The following FGF13 variants were observed in gnomAD, a reference collection of about 807,000 sequenced individuals.
The protein encoded by FGF13 is fibroblast growth factor homologous factor 2.
A neutral mutation model predicts 19.5 loss-of-function variants in FGF13; 2 were observed. The ratio of observed to expected loss-of-function variants is 0.10; its 90% CI spans 0.04 to 0.32. The LOEUF is 0.32. Among genes scored for constraint, FGF13 ranks in the 10% least tolerant of loss-of-function variants. The pLI, the probability that FGF13 is intolerant of heterozygous loss-of-function variation, is 1.00. For synonymous variants in FGF13, 72 were observed against 76.9 expected (o/e 0.94, Z 0.33); for missense variants, 113 against 192.7 (o/e 0.59, Z 2.45).
At chrX:139,156,412 G>A (rs896598779) in intron 1 of FGF13, among the ~76,000 whole-genome samples, 2 of 111,819 alleles carry the variant, frequency 1.8e-5, no homozygotes, top group African/African-American at 6.5e-5. Context: ...ACATTGCCAA[G>A]GTGATAAGAC....
At chrX:139,185,673 G>A (rs780456564) in intron 1 of FGF13, among the ~76,000 whole-genome samples, 2 of 111,626 alleles carry the variant, frequency 1.8e-5, no homozygotes, top group African/African-American at 6.5e-5. Flanking sequence ...TCTGTTCTCT[G>A]CCTTACACCA....
chrX:139,200,789 A>G (rs975923513), intron 1 of FGF13, among the ~76,000 whole-genome samples: 3 of 112,770 alleles, frequency 2.7e-5, no homozygotes, highest in African/African-American at 9.7e-5. Context: ...AGCAGCCTAC[A>G]AGATTTCCGA....
intron 1 of FGF13, among the ~76,000 whole-genome samples, chrX:139,011,722 G>A (rs1273104193): frequency 1.8e-5 from 2 of 111,691 alleles, no homozygotes; most frequent in East Asian, 5.6e-4. Flanking sequence ...CAAACTCACA[G>A]CCAACATTAT....
At chrX:138,785,327 T>A (rs2090683820) in intron 3 of FGF13, among the ~76,000 whole-genome samples, 1 of 111,762 alleles carries the variant, frequency 8.9e-6, no homozygotes. Flanking sequence ...TTATCAAATA[T>A]CTTAACTCAC....
intron 1 of FGF13, among the ~76,000 whole-genome samples, chrX:138,720,194 A>G (rs1051166544): frequency 4.4e-5 from 5 of 112,456 alleles, no homozygotes; most frequent in Non-Finnish European, 7.5e-5. Context: ...ACATAACGAA[A>G]CCAAATTTTT....
chrX:139,092,792 C>A (rs978598988), intron 1 of FGF13, among the ~76,000 whole-genome samples: 1 of 111,640 alleles, frequency 9.0e-6, no homozygotes, highest in East Asian at 2.8e-4. Context: ...TGCATGTTTA[C>A]TTTTGACCTA....
At position 138,872,251 on chromosome X, in the gene FGF13, C is replaced by T. The variant is rs746346455; in HGVS notation, c.-112-7601G>A. Among the ~76,000 whole-genome samples the T allele has an allele frequency of 6.3e-5, 7 of 111,861 alleles. No homozygotes were observed. The East Asian group carries it at 1.1e-3, about 18-fold the overall frequency. ...CTCCCTGGGATATACATTTCACAAACGGAAAATAATTACTGTGGATTAGCT... is the reference window on the plus strand; with the variant it reads ...CTCCCTGGGATATACATTTCACAAATGGAAAATAATTACTGTGGATTAGCT... On this transcript the variant is annotated intron_variant, in intron 1 of 2. Coordinates refer to the FGF13 transcript ENST00000421460.
rs765725362 is a variant in FGF13, at chrX:139,099,456, A to T, written c.-113+103960T>A. Among the ~76,000 whole-genome samples the T allele has an allele frequency of 1.3e-3, 143 of 109,331 alleles. 1 individual carries two copies. The Middle Eastern group carries it at 0.019, about 14-fold the overall frequency. 94.9% of individuals were successfully genotyped at this position (109,331 alleles called of 115,157 possible). A position where few individuals can be genotyped will look rare whatever the true frequency, so the allele number is the denominator to read the frequency against. On this transcript the variant is annotated intron_variant, in intron 1 of 2. Transcript: ENST00000421460. ...CTTGCTAAGCCTCAATACTGGCTGG[A>T]CAGTTGTTAGAGTACTGACAAACGT...
intron 1 of FGF13, among the ~76,000 whole-genome samples, chrX:139,039,442 C>G (rs748920447): frequency 8.8e-4 from 98 of 111,604 alleles, no homozygotes; most frequent in African/African-American, 3.1e-3. Context: ...TTATATTTTC[C>G]AGAAAAAAAT....
rs1189420040 is a variant in FGF13, at chrX:138,663,430, T to C, written c.403-27775A>G. ...TTGATTATTTATATACACAGATAGT[T>C]GAAAGTTGACTAACAAGATTTGGGA... On this transcript the variant is annotated intron_variant, in intron 3 of 4. Transcript: ENST00000315930. 4.5e-5 allele frequency among the ~76,000 whole-genome samples: 5 copies of C among 111,538 alleles called. No homozygotes were observed. The Admixed American group carries it at 4.8e-4, about 11-fold the overall frequency.
chrX:138,770,045 A>G (rs749822563), intron 3 of FGF13, among the ~76,000 whole-genome samples: 7 of 112,365 alleles, frequency 6.2e-5, no homozygotes, highest in Non-Finnish European at 1.1e-4. Context: ...TATGTGGTCA[A>G]ATAAGGTGAG....
intron 1 of FGF13, among the ~76,000 whole-genome samples, chrX:138,983,140 C>T (rs1190472819): frequency 9.1e-6 from 1 of 110,112 alleles, no homozygotes; most frequent in Non-Finnish European, 1.9e-5. Context: ...TTTATTTCTG[C>T]TTTTGTAGCC....
rs189188023 is a variant in FGF13, at chrX:138,810,605, A to C, written c.217+46907T>G. 7.5e-3 allele frequency among the ~76,000 whole-genome samples: 844 copies of C among 112,217 alleles called. 4 individuals are homozygous for C. Among genetic ancestry groups the C allele is most frequent in the African/African-American group, 0.025 (786 of 30,849 alleles). ...CAAAATTGACAAATGGGATCTAATG[A>C]AACTAAAGAACTTCTGCACAGCTAA... is the stretch of plus-strand genomic sequence containing the variant. On this transcript the variant is annotated intron_variant, in intron 3 of 6. Transcript: ENST00000436198.
rs904002662 is a variant in FGF13, at chrX:138,620,040, A to G, written c.*12810T>C. The G allele has an allele frequency of 8.9e-6, 1 of 112,143 alleles. No individual in the cohort carries two copies. The highest frequency in any genetic ancestry group is 1.9e-5 in the Non-Finnish European group (1 of 53,302). The allele number at this position is 112,143 out of a possible 1,213,427, so 9.2% of individuals were successfully genotyped here. Reference sequence around the variant, plus strand: ...GCATATGTTCACTGCAGCACTGTTCAAAAGAGCAAAGATGTGGAATCAACC... The same window carrying G: ...GCATATGTTCACTGCAGCACTGTTCGAAAGAGCAAAGATGTGGAATCAACC... On this transcript the variant is annotated 3_prime_UTR_variant, in exon 5 of 5. Transcript: ENST00000315930.
At chrX:139,040,910 A>G (rs1421685164) in intron 1 of FGF13, among the ~76,000 whole-genome samples, 1 of 110,820 alleles carries the variant, frequency 9.0e-6, no homozygotes, top group Non-Finnish European at 1.9e-5. Context: ...TTGCAGGGAT[A>G]TGGATGAAGT....
intron 1 of FGF13, among the ~76,000 whole-genome samples, chrX:138,918,554 ACATTTGATAAAGGGT>A (rs1253418704): frequency 9.0e-6 from 1 of 111,228 alleles, no homozygotes; most frequent in Non-Finnish European, 1.9e-5. Context: ...TTTCATCCCC[ACATTTGATAAAGGGT>A]CACTGATCAC....
intron 3 of FGF13, among the ~76,000 whole-genome samples, chrX:138,688,835 C>A (rs5931477): frequency 1.8e-5 from 2 of 111,815 alleles, no homozygotes; most frequent in Admixed American, 9.5e-5. Flanking sequence ...AAATGAACAA[C>A]AGGAGAATCT....
intron 3 of FGF13, among the ~76,000 whole-genome samples, chrX:138,748,532 T>C (rs1251802184): frequency 8.9e-6 from 1 of 111,841 alleles, no homozygotes. Flanking sequence ...CCTCCAGAAC[T>C]GAGAGAAAAA....
At chrX:138,932,384 G>C (rs1214893756) in intron 1 of FGF13, among the ~76,000 whole-genome samples, 1 of 111,167 alleles carries the variant, frequency 9.0e-6, no homozygotes, top group African/African-American at 3.3e-5. Context: ...CTTAAGACCA[G>C]CCTGCCCAAC....
Sources: allele counts gnomAD v4.1 joint callset (sites outside exome capture counted in the v4.1 genomes callset), GRCh38; gene constraint gnomAD v4.1.1; transcripts MANE v1.5; gene names NCBI Gene and HGNC (gene_info 2026-07-23, HGNC 2026-07-21).